CCSER1: variants seen among roughly 807,000 people sequenced by gnomAD.
CCSER1 encodes the protein coiled-coil serine rich protein 1, also known as serine-rich coiled-coil domain-containing protein 1.
Under a neutral mutation model 82.0 loss-of-function variants are expected in CCSER1, and 41 were observed. That is an observed-to-expected ratio of 0.50 (90% CI 0.39 to 0.65). CCSER1 has a LOEUF of 0.65. CCSER1 is among the 30% of genes least tolerant of loss of function. The pLI is 0.00. For missense variants in CCSER1, 1,119 were observed against 1,064.2 expected (o/e 1.05, Z -0.72); for synonymous variants, 414 against 383.9 (o/e 1.08, Z -0.92).
Position 90,825,302 on chromosome 4 carries a change from C to G in CCSER1, c.2094+9457C>G, listed in dbSNP as rs980758146. ...AAATTAATTTATACGTAAAGTTAAA[C>G]AGTTGAATATTTTGGATATTTTAAA... On this transcript the variant is annotated intron_variant, in intron 8 of 10. Transcript: ENST00000509176. Among the ~76,000 whole-genome samples, 8 of 152,234 alleles carry G rather than the reference C, an allele frequency of 5.3e-5. No homozygotes were observed. In the East Asian group the frequency reaches 1.2e-3, roughly 22 times the overall value.
intron 10 of CCSER1, among the ~76,000 whole-genome samples, chr4:91,418,761 C>A (rs945247779): frequency 2.0e-5 from 3 of 151,900 alleles, no homozygotes; most frequent in African/African-American, 4.8e-5. Context: ...GTATTAAAGA[C>A]AAAAGCTTTG....
At chr4:90,416,295 C>A (rs1755776905) in intron 4 of CCSER1, among the ~76,000 whole-genome samples, 1 of 152,170 alleles carries the variant, frequency 6.6e-6, no homozygotes, top group African/African-American at 2.4e-5. Flanking sequence ...TTTTTGTAAA[C>A]CCTCTCAACT....
intron 3 of CCSER1, among the ~76,000 whole-genome samples, chr4:90,365,631 A>G (rs1746156526): frequency 6.6e-6 from 1 of 151,846 alleles, no homozygotes; most frequent in Non-Finnish European, 1.5e-5. Context: ...GTTATTGGAC[A>G]AGACAATCCT....
At chr4:90,618,489 C>T (rs1721718132) in intron 5 of CCSER1, among the ~76,000 whole-genome samples, 1 of 151,632 alleles carries the variant, frequency 6.6e-6, no homozygotes, top group African/African-American at 2.4e-5. Context: ...CTTCAAATGG[C>T]TATAAAAATT....
At chr4:90,593,359 C>T (rs900182335) in intron 5 of CCSER1, among the ~76,000 whole-genome samples, 3 of 151,970 alleles carry the variant, frequency 2.0e-5, no homozygotes, top group African/African-American at 4.8e-5. Context: ...GCACAAAGCA[C>T]GGAAAGAATG....
intron 10 of CCSER1, among the ~76,000 whole-genome samples, chr4:91,541,307 C>T (rs1761582956): frequency 6.6e-6 from 1 of 152,132 alleles, no homozygotes. Flanking sequence ...TATACATGTG[C>T]CATGTTGGTG....
At chr4:91,101,531 A>G (rs1268983752) in intron 10 of CCSER1, among the ~76,000 whole-genome samples, 3 of 151,590 alleles carry the variant, frequency 2.0e-5, no homozygotes. Context: ...GCTACTTGGG[A>G]GGCTGAGGCA....
rs543214239 is a variant in CCSER1 at position 91,173,487 on chromosome 4, A to T, written c.2217+87493A>T. Among the ~76,000 whole-genome samples the T allele has an allele frequency of 9.9e-5, 15 of 151,646 alleles. No homozygotes were observed. The South Asian group carries it at 3.1e-3, about 32-fold the overall frequency. On this transcript the variant is annotated intron_variant, in intron 10 of 10. Transcript: ENST00000509176. ...CATGCGCCTATAGCCCCAGCTACTCAGGAGGCTGAGGCAGGAGAATTGCTT... is the reference window on the plus strand; with the variant it reads ...CATGCGCCTATAGCCCCAGCTACTCTGGAGGCTGAGGCAGGAGAATTGCTT...
At chr4:90,871,710 T>C (rs964930064) in intron 8 of CCSER1, among the ~76,000 whole-genome samples, 1 of 151,782 alleles carries the variant, frequency 6.6e-6, no homozygotes, top group Non-Finnish European at 1.5e-5. Context: ...AAGTCTGATG[T>C]TTCTGTGTGG....
Position 90,873,704 on chromosome 4 carries a change from C to T in CCSER1, c.2095-49666C>T, listed in dbSNP as rs72881370. On this transcript the variant is annotated intron_variant, in intron 8 of 10. Transcript: ENST00000509176. ...TGTCTAAGGAAATATACATTACCTG[C>T]CAGATTTATGTATATGTATGTACAT... Among the ~76,000 whole-genome samples, 806 of 152,092 alleles carry T rather than the reference C, an allele frequency of 5.3e-3. 2 individuals are homozygous for T. The highest frequency in any genetic ancestry group is 0.018 in the African/African-American group (764 of 41,516).
chr4:90,534,421 G>T (rs1023164516), intron 5 of CCSER1, among the ~76,000 whole-genome samples: 1 of 151,548 alleles, frequency 6.6e-6, no homozygotes, highest in Non-Finnish European at 1.5e-5. Flanking sequence ...GAGCCACCGA[G>T]CCCAGGCTGT....
intron 8 of CCSER1, among the ~76,000 whole-genome samples, chr4:90,919,718 G>C (rs1242393448): frequency 6.6e-6 from 1 of 151,632 alleles, no homozygotes. Flanking sequence ...ACTTAGAGAA[G>C]AAAAATATTT....
rs181127386 is a variant in CCSER1, at chr4:91,334,930, A to T, written c.2217+248936A>T. Among the ~76,000 whole-genome samples, 3 of 152,252 alleles carry T rather than the reference A, an allele frequency of 2.0e-5. No individual in the cohort carries two copies. In the East Asian group the frequency reaches 5.8e-4, roughly 29 times the overall value. On this transcript the variant is annotated intron_variant, in intron 10 of 10. Transcript: ENST00000509176. ...TGGGCTGGGATTTAAGAATGAAAAA[A>T]AAAAATCTTCAGTGTTTGTGTGTTG...
intron 5 of CCSER1, among the ~76,000 whole-genome samples, chr4:90,574,745 A>T (rs1029668257): frequency 6.6e-6 from 1 of 151,854 alleles, no homozygotes; most frequent in Non-Finnish European, 1.5e-5. Flanking sequence ...AATAAAATAG[A>T]ATATCATAAT....
intron 7 of CCSER1, among the ~76,000 whole-genome samples, chr4:90,801,636 G>T (rs2149701950): frequency 6.6e-6 from 1 of 152,172 alleles, no homozygotes; most frequent in African/African-American, 2.4e-5. Flanking sequence ...TACTGGCTTT[G>T]AACAACTGTT....
intron 1 of CCSER1, among the ~76,000 whole-genome samples, chr4:90,271,876 TTTTTTTTTTTTTTTA>T (rs1726578918): frequency 2.2e-5 from 2 of 92,492 alleles, no homozygotes; most frequent in Admixed American, 1.2e-4. Context: ...TTTTTTTTTT[TTTTTTTTTTTTTTTA>T]AAAGGAGGTT....
intron 10 of CCSER1, among the ~76,000 whole-genome samples, chr4:91,224,082 T>C (rs1486044775): frequency 3.3e-5 from 5 of 151,364 alleles, no homozygotes; most frequent in Non-Finnish European, 7.4e-5. Flanking sequence ...GCAGAAATAG[T>C]GCGGTGACTG....
intron 10 of CCSER1, among the ~76,000 whole-genome samples, chr4:91,556,212 A>G (rs1372947159): frequency 6.6e-6 from 1 of 151,266 alleles, no homozygotes; most frequent in Non-Finnish European, 1.5e-5. Context: ...AATTTGGGAC[A>G]GCTCATTGAC....
At chr4:90,265,805 G>A (rs1725134947) in intron 1 of CCSER1, among the ~76,000 whole-genome samples, 1 of 152,012 alleles carries the variant, frequency 6.6e-6, no homozygotes, top group Admixed American at 6.6e-5. Context: ...TCATTTTCTT[G>A]ATTGAATAGA....
Sources: allele counts gnomAD v4.1 joint callset (sites outside exome capture counted in the v4.1 genomes callset), GRCh38; gene constraint gnomAD v4.1.1; transcripts MANE v1.5; gene names NCBI Gene and HGNC (gene_info 2026-07-23, HGNC 2026-07-21).